ECT2: variants seen among roughly 807,000 people sequenced by gnomAD.
ECT2 encodes protein ECT2.
In ECT2, 61 loss-of-function variants were observed where a neutral mutation model predicts 116.9. That is an observed-to-expected ratio of 0.52 (90% confidence interval 0.42 to 0.65). The LOEUF (loss-of-function observed/expected upper bound fraction) is 0.65, where lower values mean the gene tolerates loss of function less well. Among genes scored for constraint, ECT2 ranks in the 30% least tolerant of loss-of-function variants. The pLI is 0.00. For synonymous variants in ECT2, 358 were observed against 346.4 expected, an observed-to-expected ratio of 1.03 and a Z score of -0.37; for missense variants, 937 against 1,078.7, an observed-to-expected ratio of 0.87 and a Z score of 1.84.
downstream of ECT2, among the ~76,000 whole-genome samples, chr3:172,822,722 C>A (rs1730740634): frequency 6.6e-6 from 1 of 151,862 alleles, no homozygotes; most frequent in South Asian, 2.1e-4. Context: ...TTAAAATAAA[C>A]AAGCTTGATT....
intron 1 of ECT2, among the ~76,000 whole-genome samples, chr3:172,754,250 G>A (rs183482443): frequency 2.0e-5 from 3 of 152,198 alleles, no homozygotes; most frequent in Non-Finnish European, 2.9e-5. Flanking sequence ...CTACAGTTGA[G>A]TGTTTGTTGT....
chr3:172,794,015 A>G (rs1725170869), intron 18 of ECT2, among the ~76,000 whole-genome samples: 1 of 152,092 alleles, frequency 6.6e-6, no homozygotes, highest in Admixed American at 6.5e-5. Context: ...AAAAAAAGAT[A>G]TATGATTTGC....
intron 16 of ECT2, 24 bp downstream of exon 16, chr3:172,783,933 A>G (rs1203010275): frequency 6.9e-7 from 1 of 1,442,530 alleles, no homozygotes. Flanking sequence ...CTTTCAAATA[A>G]AAATTTGAGA....
intron 13 of ECT2, among the ~76,000 whole-genome samples, chr3:172,769,543 T>C (rs1483793989): frequency 6.6e-6 from 1 of 152,156 alleles, no homozygotes; most frequent in Non-Finnish European, 1.5e-5. Flanking sequence ...AAACATCGCC[T>C]ATACAATAGC....
chr3:172,787,096 A>G (rs1723733936), intron 18 of ECT2, among the ~76,000 whole-genome samples: 1 of 152,206 alleles, frequency 6.6e-6, no homozygotes, highest in African/African-American at 2.4e-5. Flanking sequence ...TGCTTACTAT[A>G]GGTCTAACTT....
chr3:172,809,700 A>G (rs1182422435), intron 22 of ECT2, among the ~76,000 whole-genome samples: 2 of 152,070 alleles, frequency 1.3e-5, no homozygotes, highest in East Asian at 3.8e-4. Context: ...ATTTTTTGGT[A>G]CCCTAAGTAA....
intron 21 of ECT2, among the ~76,000 whole-genome samples, chr3:172,806,866 C>T (rs1212650791): frequency 1.3e-5 from 2 of 151,970 alleles, no homozygotes; most frequent in African/African-American, 4.8e-5. Context: ...TGGTCTTGAA[C>T]TCCTGACCTC....
chr3:172,772,944 T>C (rs1052903147), intron 13 of ECT2, among the ~76,000 whole-genome samples: 1 of 152,240 alleles, frequency 6.6e-6, no homozygotes, highest in African/African-American at 2.4e-5. Flanking sequence ...TTCTGAATTA[T>C]CTGTTTTATT....
intron 1 of ECT2, among the ~76,000 whole-genome samples, chr3:172,753,769 A>G (rs1716403015): frequency 6.6e-6 from 1 of 152,212 alleles, no homozygotes; most frequent in South Asian, 2.1e-4. Flanking sequence ...CATAGATTGT[A>G]TAGGGACTGG....
chr3:172,817,557 G>A (rs1729966229), intron 24 of ECT2, among the ~76,000 whole-genome samples: 1 of 151,972 alleles, frequency 6.6e-6, no homozygotes, highest in Non-Finnish European at 1.5e-5. Context: ...TATAATCTCT[G>A]AAACTGTATT....
At chr3:172,818,448 TG>T (rs1193138624) in intron 24 of ECT2, 2 of 625,454 alleles carry the variant, frequency 3.2e-6, no homozygotes, top group African/African-American at 2.0e-5. Flanking sequence ...AATTTATTTA[TG>T]GTTATGTCAC....
chr3:172,809,568 T>TAC (rs10576393), intron 22 of ECT2, among the ~76,000 whole-genome samples: 2,425 of 147,216 alleles, frequency 0.016, 38 homozygotes, highest in African/African-American at 0.031. Flanking sequence ...TGTGTATATC[T>TAC]ACACACACAC....
intron 18 of ECT2, among the ~76,000 whole-genome samples, chr3:172,790,552 C>G (rs1724475805): frequency 1.3e-5 from 2 of 152,178 alleles, no homozygotes; most frequent in Non-Finnish European, 2.9e-5. Context: ...ATTCTTTGTT[C>G]TTTTGGACAT....
At chr3:172,783,665 A>C in intron 15 of ECT2, 134 bp from the exon 16 acceptor site, 1 of 607,672 alleles carries the variant, frequency 1.6e-6, no homozygotes, top group South Asian at 1.8e-5. Context: ...TTTGTTCTCA[A>C]ACATAGAAAT....
intron 22 of ECT2, among the ~76,000 whole-genome samples, chr3:172,814,930 T>G (rs1729427495): frequency 1.3e-5 from 2 of 152,188 alleles, no homozygotes; most frequent in Admixed American, 1.3e-4. Flanking sequence ...ACTTTGTGCC[T>G]GTTGACCAAT....
At chr3:172,775,413 C>G (rs1721472451) in intron 14 of ECT2, among the ~76,000 whole-genome samples, 1 of 152,036 alleles carries the variant, frequency 6.6e-6, no homozygotes, top group Admixed American at 6.5e-5. Context: ...ATCAGTATTG[C>G]TGATCATATT....
At chr3:172,776,324 T>C (rs1380448280) in intron 14 of ECT2, among the ~76,000 whole-genome samples, 1 of 152,012 alleles carries the variant, frequency 6.6e-6, no homozygotes, top group Non-Finnish European at 1.5e-5. Context: ...TTTTAAAGCT[T>C]ATGTTCTTTT....
chr3:172,774,159 A>G, intron 14 of ECT2, 137 bp downstream of exon 14: 1 of 800,134 alleles, frequency 1.2e-6, no homozygotes, highest in Non-Finnish European at 2.0e-6. Flanking sequence ...CCTTTGAATC[A>G]TTTGTCTCTT....
At chr3:172,802,763 A>G in intron 19 of ECT2, 69 bp downstream of exon 19, 6 of 1,512,572 alleles carry the variant, frequency 4.0e-6, no homozygotes, top group Non-Finnish European at 5.4e-6. Flanking sequence ...TGGTTTTAAT[A>G]TAAATAATAT....
Sources: gnomAD v4.1 joint callset for allele counts (sites outside exome capture counted in the v4.1 genomes callset) on GRCh38, gnomAD v4.1.1 for gene constraint, MANE v1.5 for transcripts, NCBI Gene and HGNC (gene_info 2026-07-23, HGNC 2026-07-21) for gene names.